GLIS3: variants seen among roughly 807,000 people sequenced by gnomAD.
GLIS3 encodes the protein GLIS family zinc finger 3.
Under a neutral mutation model 78.6 loss-of-function variants are expected in GLIS3, and 53 were observed. The ratio of observed to expected loss-of-function variants is 0.67; its 90% CI spans 0.54 to 0.85. GLIS3 has a LOEUF of 0.85. Ranked by LOEUF, GLIS3 falls within the 40% of genes least tolerant of loss-of-function variation. GLIS3 has a pLI of 0.00. For synonymous variants in GLIS3, 684 were observed against 509.9 expected (o/e 1.34, Z -4.60); for missense variants, 1,703 against 1,231.1 (o/e 1.38, Z -5.74).
the GLIS3 span, among the ~76,000 whole-genome samples, chr9:4,419,667 C>A: frequency 1.3e-5 from 2 of 152,114 alleles, no homozygotes; most frequent in Admixed American, 1.3e-4. Context: ...GTAGTCCCAG[C>A]TACTTGGGAG....
intron 4 of GLIS3, among the ~76,000 whole-genome samples, chr9:4,101,409 T>A (rs1343247161): frequency 6.6e-6 from 1 of 152,180 alleles, no homozygotes; most frequent in Admixed American, 6.5e-5. Flanking sequence ...CTTAATTTTG[T>A]TCTTTCATGA....
chr9:3,927,687 T>C (rs118138513), intron 6 of GLIS3, among the ~76,000 whole-genome samples: 7,933 of 152,264 alleles, frequency 0.052, 294 homozygotes, highest in Non-Finnish European at 0.075. Flanking sequence ...GTGGTCACTT[T>C]CATTGACAAC....
chr9:3,838,401 C>A (rs552626189), intron 9 of GLIS3, among the ~76,000 whole-genome samples: 2 of 152,328 alleles, frequency 1.3e-5, no homozygotes, highest in South Asian at 4.1e-4. Flanking sequence ...CCCACACTTT[C>A]TTCCTGCTGA....
At chr9:4,116,435 C>T (rs139697062) in intron 4 of GLIS3, among the ~76,000 whole-genome samples, 243 of 152,338 alleles carry the variant, frequency 1.6e-3, no homozygotes, top group African/African-American at 5.5e-3. Flanking sequence ...AATGTATCAG[C>T]TTCAGGTTTT....
At chr9:4,079,852 T>A (rs778721085) in intron 4 of GLIS3, among the ~76,000 whole-genome samples, 5 of 151,750 alleles carry the variant, frequency 3.3e-5, no homozygotes, top group Non-Finnish European at 5.9e-5. Context: ...TCAGAGCTAC[T>A]GATAAGTAAA....
At chr9:4,430,025 T>C in the GLIS3 span, among the ~76,000 whole-genome samples, 1 of 135,528 alleles carries the variant, frequency 7.4e-6, no homozygotes, top group South Asian at 2.4e-4. Context: ...GTCCTCTTTC[T>C]ATTAAACAAA....
the GLIS3 span, among the ~76,000 whole-genome samples, chr9:4,355,031 G>A: frequency 1.3e-5 from 2 of 151,700 alleles, no homozygotes; most frequent in South Asian, 4.2e-4. Context: ...TGGGAGAATT[G>A]CTTGAACCCT....
chr9:4,118,840 C>T lies in GLIS3; in HGVS notation c.638G>A (p.Ser213Asn), dbSNP rs748030278. ...SRESLASTTL[S>N]LTESQSASSM... is the part of the protein sequence containing the mutation. ...TGAGGCCGACTGACTTTCCGTCAGA[C>T]TCAAGGTCGTGGACGCCAAAGACTC... Residue 213 changes from serine (S) to asparagine (N), a missense_variant, in exon 4 of 11, where the codon AGT (serine) becomes AAT (asparagine). Coordinates refer to ENST00000381971, the MANE Select transcript of GLIS3 (RefSeq NM_001042413.2). This position sits in a 1 kb window ranked among gnomAD's most constrained non-coding sequence, Gnocchi z 4.7. 7.5e-6 allele frequency: 12 copies of T among 1,604,762 alleles called. No homozygotes were observed. Among genetic ancestry groups the T allele is most frequent in the African/African-American group, 1.3e-5 (1 of 74,826 alleles).
intron 2 of GLIS3, among the ~76,000 whole-genome samples, chr9:4,196,786 C>G (rs1271101379): frequency 6.6e-6 from 1 of 152,174 alleles, no homozygotes; most frequent in African/African-American, 2.4e-5. Context: ...CCAAGAACCC[C>G]CCAATTTCGG....
intron 4 of GLIS3, among the ~76,000 whole-genome samples, chr9:3,985,183 T>C (rs1819640351): frequency 6.6e-6 from 1 of 152,050 alleles, no homozygotes; most frequent in Non-Finnish European, 1.5e-5. Flanking sequence ...CTTGCTCTGT[T>C]GTCCAGGCTG....
At chr9:3,879,723 C>G (rs1406630735) in intron 7 of GLIS3, 128 bp from the exon 8 acceptor site, 1 of 940,318 alleles carries the variant, frequency 1.1e-6, no homozygotes, top group African/African-American at 1.7e-5. Flanking sequence ...TTTCAGGGAA[C>G]AGTTCTCCCC....
intron 4 of GLIS3, among the ~76,000 whole-genome samples, chr9:4,109,466 C>A (rs1320714272): frequency 6.6e-6 from 1 of 152,180 alleles, no homozygotes; most frequent in African/African-American, 2.4e-5. Flanking sequence ...GTTTCCCTAG[C>A]TGATCACTTG....
chr9:4,209,309 C>G (rs983243901), intron 2 of GLIS3, among the ~76,000 whole-genome samples: 1 of 152,146 alleles, frequency 6.6e-6, no homozygotes, highest in Non-Finnish European at 1.5e-5. Context: ...TGTGCTACCT[C>G]CTTTCTGGGA....
At chr9:4,442,518 C>T in the GLIS3 span, among the ~76,000 whole-genome samples, 403 of 152,156 alleles carry the variant, frequency 2.6e-3, 5 homozygotes, top group South Asian at 0.042. Context: ...ATAAGGGAAA[C>T]ACTGCTCTAT....
intron 2 of GLIS3, among the ~76,000 whole-genome samples, chr9:4,218,849 T>C (rs919586582): frequency 4.6e-5 from 7 of 152,216 alleles, no homozygotes; most frequent in African/African-American, 1.7e-4. Context: ...CTTTTAAAAA[T>C]GTAAATCACA....
intron 2 of GLIS3, among the ~76,000 whole-genome samples, chr9:4,132,132 C>T (rs1833026178): frequency 6.6e-6 from 1 of 151,510 alleles, no homozygotes; most frequent in African/African-American, 2.4e-5. Flanking sequence ...TTTCTGACTA[C>T]CAGATGTGCC....
chr9:4,172,630 A>C (rs1251937413), intron 2 of GLIS3, among the ~76,000 whole-genome samples: 1 of 152,236 alleles, frequency 6.6e-6, no homozygotes, highest in African/African-American at 2.4e-5. Flanking sequence ...GAGTGAATTA[A>C]TATTAAATGA....
At chr9:3,959,525 G>C (rs561759437) in intron 4 of GLIS3, among the ~76,000 whole-genome samples, 14 of 152,104 alleles carry the variant, frequency 9.2e-5, no homozygotes, top group Non-Finnish European at 1.5e-5. Context: ...ATTCCTCTTT[G>C]CAGTTGCCCA....
At chr9:4,386,250 TATA>T in the GLIS3 span, among the ~76,000 whole-genome samples, 2 of 152,194 alleles carry the variant, frequency 1.3e-5, no homozygotes, top group African/African-American at 2.4e-5. Context: ...GTTATCTCAT[TATA>T]ATAATAAAAA....
Sources: allele counts gnomAD v4.1 joint callset (sites outside exome capture counted in the v4.1 genomes callset), GRCh38; gene constraint gnomAD v4.1.1; non-coding constraint Gnocchi (gnomAD v3.1); transcripts MANE v1.5; gene names NCBI Gene and HGNC (gene_info 2026-07-23, HGNC 2026-07-21).